The following GMDS variants were observed in gnomAD, a reference collection of about 807,000 sequenced individuals.
GMDS encodes GDP-mannose 4,6-dehydratase.
GMDS carries 20 observed loss-of-function variants against 49.9 expected under a neutral mutation model. The observed-to-expected ratio is 0.40, with a 90% CI of 0.28 to 0.58. The LOEUF is 0.58. Ranked by LOEUF, GMDS falls within the 20% of genes least tolerant of loss-of-function variation. GMDS has a pLI of 0.42. For synonymous variants in GMDS, 177 were observed against 178.6 expected, an observed-to-expected ratio of 0.99 and a Z score of 0.07; for missense variants, 362 against 481.4, an observed-to-expected ratio of 0.75 and a Z score of 2.32.
At chr6:2,107,673 G>A (rs1264267976) in intron 4 of GMDS, among the ~76,000 whole-genome samples, 1 of 152,166 alleles carries the variant, frequency 6.6e-6, no homozygotes, top group African/African-American at 2.4e-5. Context: ...AAACAAAACC[G>A]TAACATTACT....
chr6:1,841,813 G>A (rs1757164380), intron 7 of GMDS, among the ~76,000 whole-genome samples: 1 of 152,180 alleles, frequency 6.6e-6, no homozygotes, highest in Admixed American at 6.5e-5. Context: ...TGGAGGACAC[G>A]TGACTTGTTC....
intron 1 of GMDS, among the ~76,000 whole-genome samples, chr6:2,192,444 A>C (rs1457150229): frequency 6.6e-6 from 1 of 152,218 alleles, no homozygotes; most frequent in African/African-American, 2.4e-5. Context: ...TGTAACACAC[A>C]CAGGGCTGAA....
At chr6:1,881,257 G>A (rs1759348111) in intron 7 of GMDS, among the ~76,000 whole-genome samples, 1 of 152,156 alleles carries the variant, frequency 6.6e-6, no homozygotes, top group Non-Finnish European at 1.5e-5. Flanking sequence ...AATGTATACT[G>A]AGAACATGGG....
At chr6:2,118,261 T>C (rs1178990148) in intron 2 of GMDS, among the ~76,000 whole-genome samples, 4 of 152,124 alleles carry the variant, frequency 2.6e-5, no homozygotes, top group African/African-American at 9.7e-5. Flanking sequence ...GAAAAGACTA[T>C]TTGTGTCTGA....
chr6:2,129,623 A>T (rs1479065288), intron 1 of GMDS, among the ~76,000 whole-genome samples: 1 of 152,212 alleles, frequency 6.6e-6, no homozygotes, highest in Non-Finnish European at 1.5e-5. Context: ...ACTCGTTTGC[A>T]CTGCCTTTTT....
At chr6:1,959,788 T>G in intron 6 of GMDS, 79 bp downstream of exon 6, 1 of 782,422 alleles carries the variant, frequency 1.3e-6, no homozygotes, top group Non-Finnish European at 2.1e-6. Flanking sequence ...GTCTCTGTAG[T>G]ACATACACCA....
At chr6:2,139,252 T>C (rs1776161266) in intron 1 of GMDS, among the ~76,000 whole-genome samples, 1 of 152,220 alleles carries the variant, frequency 6.6e-6, no homozygotes, top group Admixed American at 6.5e-5. Flanking sequence ...GATAATGTAC[T>C]TGCATCACTA....
intron 2 of GMDS, among the ~76,000 whole-genome samples, chr6:2,118,030 T>A (rs546604399): frequency 6.6e-6 from 1 of 152,214 alleles, no homozygotes; most frequent in South Asian, 2.1e-4. Context: ...GCCACAGACA[T>A]CATCAGAGAG....
intron 1 of GMDS, among the ~76,000 whole-genome samples, chr6:2,131,146 T>C (rs138465240): frequency 1.1e-4 from 16 of 152,298 alleles, no homozygotes; most frequent in African/African-American, 3.4e-4. Flanking sequence ...CTTAGTATAA[T>C]ATTAGAGCAA....
chr6:1,676,515 C>T (rs1475490936), intron 9 of GMDS, among the ~76,000 whole-genome samples: 1 of 152,192 alleles, frequency 6.6e-6, no homozygotes, highest in Non-Finnish European at 1.5e-5. Context: ...AGGCATCACA[C>T]TACCTGACTT....
intron 1 of GMDS, among the ~76,000 whole-genome samples, chr6:2,164,311 T>C (rs559688408): frequency 3.9e-5 from 6 of 152,336 alleles, no homozygotes; most frequent in African/African-American, 1.4e-4. Context: ...AGTAGTTATT[T>C]TGGAGTGTAG....
At position 2,122,463 on chromosome 6, in the gene GMDS, T is replaced by A. The variant is rs115583482; in HGVS notation, c.147+2224A>T. On this transcript the variant is annotated intron_variant, in intron 2 of 10. Transcript: ENST00000380815. Reference sequence around the variant, plus strand: ...CGTAATAAAATACGTCCCTCTCTCATCCTACTTCATGCAATCTACTAATCC... The same window carrying A: ...CGTAATAAAATACGTCCCTCTCTCAACCTACTTCATGCAATCTACTAATCC... 3.0e-3 allele frequency among the ~76,000 whole-genome samples: 450 copies of A among 152,266 alleles called. 1 individual carries two copies. The highest frequency in any genetic ancestry group is 0.01 in the African/African-American group (423 of 41,544).
At chr6:1,808,728 T>C (rs374930359) in intron 7 of GMDS, among the ~76,000 whole-genome samples, 3 of 152,344 alleles carry the variant, frequency 2.0e-5, no homozygotes, top group African/African-American at 4.8e-5. Context: ...TCAACTTATC[T>C]TGAGAATTTC....
chr6:1,635,918 G>C lies in GMDS; in HGVS notation c.988-11378C>G, dbSNP rs548803443. Among the ~76,000 whole-genome samples, 24 of 152,150 alleles carry C rather than the reference G, an allele frequency of 1.6e-4. No individual in the cohort carries two copies. The highest frequency in any genetic ancestry group is 3.4e-4 in the Non-Finnish European group (23 of 68,020). On this transcript the variant is annotated intron_variant, in intron 9 of 10. Transcript: ENST00000380815. The surrounding 1 kb of genome is among the most constrained non-coding windows in gnomAD (Gnocchi z 4.7). ...CTGCTCTCAGCTGGGGCTATCTTTA[G>C]GACACTACTGTTTGGTTAGAGCCCT...
At chr6:1,929,627 T>C (rs2127237499) in intron 7 of GMDS, among the ~76,000 whole-genome samples, 1 of 151,782 alleles carries the variant, frequency 6.6e-6, no homozygotes, top group Middle Eastern at 3.4e-3. Flanking sequence ...TTAAGAAGTG[T>C]GTGATGTAAT....
At chr6:1,932,513 C>T (rs116400961) in intron 6 of GMDS, among the ~76,000 whole-genome samples, 3,101 of 151,158 alleles carry the variant, frequency 0.021, 111 homozygotes, top group Admixed American at 0.091. Flanking sequence ...GATAACTAGC[C>T]AAAATTAACT....
At chr6:1,717,837 T>C (rs560827798) in intron 9 of GMDS, among the ~76,000 whole-genome samples, 36 of 152,292 alleles carry the variant, frequency 2.4e-4, no homozygotes, top group Admixed American at 1.6e-3. Flanking sequence ...AGCCCTTTCA[T>C]CTTTAAGAAT....
chr6:1,800,907 G>T (rs969067861), intron 7 of GMDS, among the ~76,000 whole-genome samples: 13 of 152,214 alleles, frequency 8.5e-5, no homozygotes, highest in Admixed American at 2.6e-4. Context: ...ATGTCAAGGT[G>T]CTGAGTAAAC....
In GMDS at chr6:1,778,181, C is replaced by G. The variant is rs372832355; in HGVS notation, c.772-35595G>C. Among the ~76,000 whole-genome samples, 1 of 152,150 alleles carries G rather than the reference C, an allele frequency of 6.6e-6. No homozygotes were observed. The highest frequency in any genetic ancestry group is 2.4e-5 in the African/African-American group (1 of 41,426). The stretch of plus-strand genomic sequence containing the variant: ...TTAGACTGGCCTTCTCAACACCTCA[C>G]GAAAAGCGCCCTTGGGTCTCATTTT... On this transcript the variant is annotated intron_variant, in intron 7 of 10. Coordinates refer to ENST00000380815, the MANE Select transcript of GMDS (RefSeq NM_001500.4). The surrounding 1 kb of genome is among the most constrained non-coding windows in gnomAD (Gnocchi z 4.6).
Sources: allele counts gnomAD v4.1 joint callset (sites outside exome capture counted in the v4.1 genomes callset), GRCh38; gene constraint gnomAD v4.1.1; non-coding constraint Gnocchi (gnomAD v3.1); transcripts MANE v1.5; gene names NCBI Gene and HGNC (gene_info 2026-07-23, HGNC 2026-07-21).